The following SLC14A2 variants were observed in gnomAD, a reference collection of about 807,000 sequenced individuals.
The protein encoded by SLC14A2 is solute carrier family 14 member 2.
A neutral mutation model predicts 104.6 loss-of-function variants in SLC14A2; 91 were observed. The observed-to-expected ratio is 0.87, with a 90% CI of 0.73 to 1.04. SLC14A2 has a LOEUF of 1.04. Ranked by LOEUF, SLC14A2 falls within the 50% of genes least tolerant of loss-of-function variation. The probability of loss-of-function intolerance (pLI) is 0.00; values close to 1 mark genes in which losing one functional copy is unlikely to be tolerated. For synonymous variants in SLC14A2, 476 were observed against 466.4 expected (o/e 1.02, Z -0.27); for missense variants, 1,189 against 1,156.0 (o/e 1.03, Z -0.41).
the SLC14A2 span, among the ~76,000 whole-genome samples, chr18:45,189,362 T>C: frequency 2.0e-5 from 3 of 152,194 alleles, no homozygotes; most frequent in Non-Finnish European, 4.4e-5. Context: ...GAGGGTTGAA[T>C]GGGATAAGGC....
At chr18:45,194,015 T>C in the SLC14A2 span, among the ~76,000 whole-genome samples, 1 of 152,332 alleles carries the variant, frequency 6.6e-6, no homozygotes, top group South Asian at 2.1e-4. Context: ...TATTATTTGG[T>C]AATAGATAGA....
At chr18:45,170,252 T>C in the SLC14A2 span, among the ~76,000 whole-genome samples, 2 of 152,022 alleles carry the variant, frequency 1.3e-5, no homozygotes, top group African/African-American at 4.8e-5. Context: ...GATGAGTGAC[T>C]CTATGAATGG....
intron 10 of SLC14A2, chr18:45,647,989 A>T (rs183948277): frequency 6.6e-6 from 1 of 151,876 alleles, no homozygotes; most frequent in African/African-American, 2.4e-5. Flanking sequence ...CTATGTTCTT[A>T]TTTTTTTGTA....
chr18:45,470,603 A>T (rs2087229537), intron 1 of SLC14A2, among the ~76,000 whole-genome samples: 1 of 152,004 alleles, frequency 6.6e-6, no homozygotes, highest in Admixed American at 6.6e-5. Flanking sequence ...AACATTTTTC[A>T]TTCTTTATTG....
intron 2 of SLC14A2, among the ~76,000 whole-genome samples, chr18:45,571,139 T>C (rs2044339702): frequency 6.6e-6 from 1 of 152,152 alleles, no homozygotes; most frequent in Non-Finnish European, 1.5e-5. Context: ...TAACTCCCCT[T>C]TAAGGAGGAG....
intron 2 of SLC14A2, among the ~76,000 whole-genome samples, chr18:45,588,040 CT>C (rs1207411440): frequency 1.3e-5 from 2 of 152,096 alleles, no homozygotes; most frequent in South Asian, 2.1e-4. Flanking sequence ...CGGATTGACC[CT>C]TTTTTTAATC....
chr18:45,258,389 G>A (rs1179822320), intron 1 of SLC14A2, among the ~76,000 whole-genome samples: 3 of 142,682 alleles, frequency 2.1e-5, no homozygotes, highest in Non-Finnish European at 4.6e-5. Flanking sequence ...AGTATCAGGA[G>A]TAGGAACATT....
chr18:45,540,870 C>G (rs2043873843), intron 2 of SLC14A2, among the ~76,000 whole-genome samples: 1 of 152,146 alleles, frequency 6.6e-6, no homozygotes, highest in African/African-American at 2.4e-5. Flanking sequence ...CAGTAAAACT[C>G]TATGAAGTCT....
intron 1 of SLC14A2, among the ~76,000 whole-genome samples, chr18:45,269,663 T>C (rs1292130935): frequency 6.6e-6 from 1 of 152,178 alleles, no homozygotes; most frequent in Non-Finnish European, 1.5e-5. Flanking sequence ...TTGCGCGTAC[T>C]ATGTGCTTCC....
chr18:45,502,977 C>A (rs2043222518), intron 2 of SLC14A2, among the ~76,000 whole-genome samples: 1 of 151,500 alleles, frequency 6.6e-6, no homozygotes, highest in African/African-American at 2.4e-5. Flanking sequence ...CTACTGCTTG[C>A]AACAGGGAAA....
chr18:45,593,533 A>G (rs1236802793), intron 2 of SLC14A2, among the ~76,000 whole-genome samples: 1 of 105,526 alleles, frequency 9.5e-6, no homozygotes, highest in Non-Finnish European at 1.7e-5. Context: ...TCTGTCGCCC[A>G]GGCTGGAGTG....
intron 1 of SLC14A2, among the ~76,000 whole-genome samples, chr18:45,426,273 C>T (rs1171973590): frequency 6.6e-6 from 1 of 152,132 alleles, no homozygotes; most frequent in East Asian, 1.9e-4. Context: ...CTGAGTGCCA[C>T]TTATTGTCAT....
At chr18:45,656,727 T>C (rs375948912) in intron 10 of SLC14A2, among the ~76,000 whole-genome samples, 2 of 152,184 alleles carry the variant, frequency 1.3e-5, no homozygotes, top group South Asian at 2.1e-4. Context: ...TCAGGCATCA[T>C]GAGGTTCAAT....
chr18:45,263,530 G>C (rs1220391829), intron 1 of SLC14A2, among the ~76,000 whole-genome samples: 1 of 152,124 alleles, frequency 6.6e-6, no homozygotes, highest in African/African-American at 2.4e-5. Flanking sequence ...ACAAATTTTA[G>C]CACACATTGG....
intron 2 of SLC14A2, among the ~76,000 whole-genome samples, chr18:45,544,287 A>G (rs2043933598): frequency 6.6e-6 from 1 of 152,168 alleles, no homozygotes; most frequent in African/African-American, 2.4e-5. Context: ...TCCTATCCTG[A>G]ATCCCTTCAG....
intron 1 of SLC14A2, among the ~76,000 whole-genome samples, chr18:45,352,464 A>G (rs1295392691): frequency 1.3e-5 from 2 of 152,046 alleles, no homozygotes; most frequent in Admixed American, 1.3e-4. Context: ...TTATTTATTT[A>G]TTTTCTCTTC....
At chr18:45,365,374 A>G (rs983525824) in intron 1 of SLC14A2, among the ~76,000 whole-genome samples, 7 of 152,252 alleles carry the variant, frequency 4.6e-5, no homozygotes, top group African/African-American at 7.2e-5. Flanking sequence ...CAATAAGATC[A>G]TGTGTGTTAA....
In SLC14A2 at chr18:45,668,447, T is replaced by G. The variant is rs757540096; in HGVS notation, c.2006T>G (p.Leu669Trp). 9 of 1,614,070 alleles carry G rather than the reference T, an allele frequency of 5.6e-6. No individual in the cohort carries two copies. The African/African-American group carries it at 1.2e-4, about 22-fold the overall frequency. ...AAAGGTGACTACTACTGGTGGCTGT[T>G]GCTACCCGTCATCATCATGTCCATG... is the stretch of plus-strand genomic sequence containing the variant. Reference protein sequence around the residue: ...SDKGDYYWWLLLPVIIMSMSC... With the variant: ...SDKGDYYWWLWLPVIIMSMSC... The change falls in exon 15 of 20, where the codon TTG (leucine) becomes TGG (tryptophan). Residue 669 changes from leucine to tryptophan, a missense_variant. By Grantham distance (61) the Leu-to-Trp change is moderately conservative. Coordinates refer to ENST00000255226, the MANE Select transcript of SLC14A2 (RefSeq NM_007163.4).
chr18:45,426,194 C>T (rs2086423678), intron 1 of SLC14A2, among the ~76,000 whole-genome samples: 1 of 152,152 alleles, frequency 6.6e-6, no homozygotes, highest in African/African-American at 2.4e-5. Flanking sequence ...CTGATTCTTC[C>T]TGAACTATCC....
Sources: gnomAD v4.1 joint callset for allele counts (sites outside exome capture counted in the v4.1 genomes callset) on GRCh38, gnomAD v4.1.1 for gene constraint, MANE v1.5 for transcripts, NCBI Gene and HGNC (gene_info 2026-07-23, HGNC 2026-07-21) for gene names.